Variants in FPR3 observed in about 807,000 individuals in gnomAD.
FPR3 encodes N-formyl peptide receptor 3.
For synonymous variants in FPR3, 135 were observed against 163.6 expected (o/e 0.83, Z 1.34); for missense variants, 346 against 443.2 (o/e 0.78, Z 1.97).
chr19:51,821,292 C>T (rs770676680), intron 1 of FPR3, among the ~76,000 whole-genome samples: 4 of 152,156 alleles, frequency 2.6e-5, no homozygotes, highest in Non-Finnish European at 4.4e-5. Context: ...GACCCCAAAG[C>T]CCAGTGTTCT....
chr19:51,813,161 C>CACACACACA (rs71304202), intron 1 of FPR3, among the ~76,000 whole-genome samples: 2 of 149,432 alleles, frequency 1.3e-5, no homozygotes, highest in Non-Finnish European at 3.0e-5. Flanking sequence ...CACACACACA[C>CACACACACA]CCCATAAATT....
At chr19:51,796,328 T>C (rs991026162) in intron 1 of FPR3, among the ~76,000 whole-genome samples, 1 of 152,066 alleles carries the variant, frequency 6.6e-6, no homozygotes, top group African/African-American at 2.4e-5. Context: ...AGAGATGAGG[T>C]CTGAGGGATG....
intron 1 of FPR3, among the ~76,000 whole-genome samples, chr19:51,815,448 T>C (rs1475856852): frequency 1.3e-5 from 2 of 151,656 alleles, no homozygotes; most frequent in African/African-American, 4.8e-5. Context: ...TAGCCCCAGC[T>C]ACTCAGGAGA....
At chr19:51,821,706 G>A (rs2084191080) in intron 1 of FPR3, among the ~76,000 whole-genome samples, 1 of 151,966 alleles carries the variant, frequency 6.6e-6, no homozygotes, top group African/African-American at 2.4e-5. Context: ...AGTTGCAACG[G>A]TAGTGGCTCT....
In FPR3 at chr19:51,796,127, G is replaced by A. The variant is rs188802008; in HGVS notation, c.-11+796G>A. ...CATTCTGCTTTGCAGAGTGGGTGAG[G>A]TGGGATCTCTCTGAAATAATATTTG... On this transcript the variant is annotated intron_variant, in intron 1 of 1. Coordinates refer to ENST00000339223, the MANE Select transcript of FPR3 (RefSeq NM_002030.5). 1.6e-3 allele frequency among the ~76,000 whole-genome samples: 237 copies of A among 152,330 alleles called. 1 individual carries two copies. Among genetic ancestry groups the A allele is most frequent in the African/African-American group, 4.8e-3 (200 of 41,576 alleles).
At chr19:51,819,924 C>T (rs182952981) in intron 1 of FPR3, among the ~76,000 whole-genome samples, 1 of 151,936 alleles carries the variant, frequency 6.6e-6, no homozygotes, top group African/African-American at 2.4e-5. Flanking sequence ...AGGACAAATA[C>T]CATTTCTTGG....
At chr19:51,802,867 A>T (rs1181383042) in intron 1 of FPR3, among the ~76,000 whole-genome samples, 1 of 152,180 alleles carries the variant, frequency 6.6e-6, no homozygotes, top group East Asian at 1.9e-4. Flanking sequence ...TTTCATTTAC[A>T]TCGTTACAGA....
At chr19:51,813,076 G>A (rs1001186391) in intron 1 of FPR3, among the ~76,000 whole-genome samples, 3 of 151,072 alleles carry the variant, frequency 2.0e-5, no homozygotes, top group African/African-American at 7.3e-5. Context: ...CCGAGATCAC[G>A]CCACTGCACT....
At chr19:51,797,233 G>A (rs2084005067) in intron 1 of FPR3, among the ~76,000 whole-genome samples, 1 of 152,146 alleles carries the variant, frequency 6.6e-6, no homozygotes, top group African/African-American at 2.4e-5. Flanking sequence ...GGAGTGCTAA[G>A]GACAGAAGTC....
chr19:51,813,646 T>C (rs1206030072), intron 1 of FPR3, among the ~76,000 whole-genome samples: 1 of 152,002 alleles, frequency 6.6e-6, no homozygotes, highest in African/African-American at 2.4e-5. Flanking sequence ...TTTTCCCACC[T>C]CAGCCTCCCG....
rs1287791320 is a variant in FPR3 at position 51,825,428 on chromosome 19, T to C, written c.*618T>C. ...GCATTCTTTCCTCCAGTGTATAGGA[T>C]GGGATCCTCTCTGGGGAGGGTCTTA... is the stretch of plus-strand genomic sequence containing the variant. On this transcript the variant is annotated 3_prime_UTR_variant, in exon 2 of 2. Transcript: ENST00000339223. 1 of 166,764 alleles carries C rather than the reference T, an allele frequency of 6.0e-6. No individual in the cohort carries two copies. Among genetic ancestry groups the C allele is most frequent in the East Asian group, 1.9e-4 (1 of 5,168 alleles). The allele number at this position is 166,764 out of a possible 1,614,324, so 10.3% of individuals were successfully genotyped here.
chr19:51,813,118 CAACACACACACA>C (rs1018086824), intron 1 of FPR3, among the ~76,000 whole-genome samples: 3 of 125,916 alleles, frequency 2.4e-5, no homozygotes, highest in African/African-American at 9.8e-5. Flanking sequence ...TGCTCTGTCT[CAACACACACACA>C]CACACACACA....
At chr19:51,814,396 G>A (rs1340786117) in intron 1 of FPR3, among the ~76,000 whole-genome samples, 1 of 152,200 alleles carries the variant, frequency 6.6e-6, no homozygotes, top group Non-Finnish European at 1.5e-5. Flanking sequence ...ATCTCCCTCT[G>A]GAGCAGAAGG....
intron 1 of FPR3, among the ~76,000 whole-genome samples, chr19:51,814,327 T>C (rs1018599371): frequency 6.6e-6 from 1 of 152,218 alleles, no homozygotes; most frequent in Non-Finnish European, 1.5e-5. Context: ...TTGAACTAAA[T>C]TTGTTGTAAT....
At position 51,825,462 on chromosome 19, in the gene FPR3, A is replaced by C. The variant is rs1044311323; in HGVS notation, c.*652A>C. On this transcript the variant is annotated 3_prime_UTR_variant, in exon 2 of 2. Coordinates refer to ENST00000339223, the MANE Select transcript of FPR3 (RefSeq NM_002030.5). ...CTCTGGGGAGGGTCTTAAGACCCACAATTAGAAAGGCAAGGGAAGATTAGA... is the reference window on the plus strand; with the variant it reads ...CTCTGGGGAGGGTCTTAAGACCCACCATTAGAAAGGCAAGGGAAGATTAGA... 2.4e-5 allele frequency: 4 copies of C among 166,876 alleles called. No homozygotes were observed. The highest frequency in any genetic ancestry group is 2.0e-4 in the Admixed American group (3 of 15,280). 10.3% of individuals were successfully genotyped at this position (166,876 alleles called of 1,614,324 possible).
At chr19:51,812,988 G>A (rs1368597050) in intron 1 of FPR3, among the ~76,000 whole-genome samples, 6 of 151,962 alleles carry the variant, frequency 3.9e-5, no homozygotes, top group Non-Finnish European at 4.4e-5. Context: ...AGGCATGGTG[G>A]TGAACCTGTA....
intron 1 of FPR3, among the ~76,000 whole-genome samples, chr19:51,797,246 T>C (rs1413174184): frequency 6.6e-6 from 1 of 152,030 alleles, no homozygotes; most frequent in East Asian, 1.9e-4. Flanking sequence ...CAGAAGTCAA[T>C]GTGGAGTGGA....
chr19:51,820,126 G>A (rs1253760627), intron 1 of FPR3, among the ~76,000 whole-genome samples: 1 of 152,212 alleles, frequency 6.6e-6, no homozygotes, highest in African/African-American at 2.4e-5. Flanking sequence ...TGGAATAGTA[G>A]AGGAAGTTGG....
At chr19:51,802,153 G>A (rs1469304364) in intron 1 of FPR3, among the ~76,000 whole-genome samples, 2 of 151,528 alleles carry the variant, frequency 1.3e-5, no homozygotes, top group Admixed American at 6.6e-5. Flanking sequence ...CGTGATTATC[G>A]ACACCACATC....
Sources: gnomAD v4.1 joint callset for allele counts (sites outside exome capture counted in the v4.1 genomes callset) on GRCh38, gnomAD v4.1.1 for gene constraint, MANE v1.5 for transcripts, NCBI Gene and HGNC (gene_info 2026-07-23, HGNC 2026-07-21) for gene names.